The following NTNG1 variants were observed in gnomAD, a reference collection of about 807,000 sequenced individuals.
NTNG1 encodes the protein netrin G1.
Under a neutral mutation model 54.0 loss-of-function variants are expected in NTNG1, and 16 were observed. The observed-to-expected ratio is 0.30, with a 90% CI of 0.20 to 0.45. The LOEUF is 0.45. Among genes scored for constraint, NTNG1 ranks in the 20% least tolerant of loss-of-function variants. The pLI, the probability that NTNG1 is intolerant of heterozygous loss-of-function variation, is 1.00. For synonymous variants in NTNG1, 255 were observed against 263.1 expected (o/e 0.97, Z 0.30); for missense variants, 530 against 678.7 (o/e 0.78, Z 2.43).
At chr1:107,418,495 T>C in intron 5 of NTNG1, 1 of 838,276 alleles carries the variant, frequency 1.2e-6, no homozygotes, top group African/African-American at 1.7e-5. Flanking sequence ...GTGTGGTTTG[T>C]GTCTTTATCC....
At chr1:107,151,377 G>T (rs1047034970) in intron 2 of NTNG1, among the ~76,000 whole-genome samples, 1 of 152,034 alleles carries the variant, frequency 6.6e-6, no homozygotes. Context: ...GGGTGTAATG[G>T]GGATTCATAA....
At chr1:107,198,363 A>G (rs559786367) in intron 2 of NTNG1, among the ~76,000 whole-genome samples, 1 of 151,990 alleles carries the variant, frequency 6.6e-6, no homozygotes, top group East Asian at 1.9e-4. Context: ...TAGTGAGTAC[A>G]TGACAGTTTC....
At chr1:107,142,739 A>G (rs1653823635) in intron 1 of NTNG1, among the ~76,000 whole-genome samples, 2 of 149,118 alleles carry the variant, frequency 1.3e-5, no homozygotes, top group African/African-American at 2.5e-5. Context: ...CTTAGTAGTT[A>G]AGCTTGTTGG....
chr1:107,348,892 A>G (rs911321547), intron 3 of NTNG1, among the ~76,000 whole-genome samples: 1 of 151,902 alleles, frequency 6.6e-6, no homozygotes, highest in Non-Finnish European at 1.5e-5. Flanking sequence ...TCTATTTTCC[A>G]CTCTACAGTC....
At chr1:107,429,306 C>G (rs745355629) in intron 5 of NTNG1, among the ~76,000 whole-genome samples, 13 of 152,086 alleles carry the variant, frequency 8.5e-5, no homozygotes, top group Non-Finnish European at 1.5e-4. Flanking sequence ...AACTAGCTCT[C>G]TAACAAATGA....
chr1:107,200,589 C>T lies in NTNG1; in HGVS notation c.246+51750C>T, dbSNP rs749263450. Among the ~76,000 whole-genome samples the T allele has an allele frequency of 5.3e-5, 8 of 151,622 alleles. No homozygotes were observed. In the South Asian group the frequency reaches 6.2e-4, roughly 12 times the overall value. On this transcript the variant is annotated intron_variant, in intron 2 of 7. Transcript: ENST00000370068. ...GAGATTTTCATTGTTGTTGTTTCAC[C>T]GTCCTTTTAATACTCTTTCATGAGG...
At chr1:107,175,610 GT>G (rs529442969) in intron 2 of NTNG1, among the ~76,000 whole-genome samples, 23 of 143,868 alleles carry the variant, frequency 1.6e-4, no homozygotes, top group South Asian at 6.6e-4. Context: ...TGTGTGTTTT[GT>G]TTTTTTTTTT....
intron 2 of NTNG1, among the ~76,000 whole-genome samples, chr1:107,255,074 A>G (rs1265895237): frequency 6.6e-6 from 1 of 152,220 alleles, no homozygotes; most frequent in Non-Finnish European, 1.5e-5. Flanking sequence ...TTAATACTAT[A>G]GATTAAAACT....
chr1:107,296,462 G>T (rs1032618052), intron 2 of NTNG1, among the ~76,000 whole-genome samples: 25 of 151,686 alleles, frequency 1.6e-4, no homozygotes, highest in African/African-American at 5.3e-4. Context: ...ATCACTAAGA[G>T]AAATTTAAAT....
intron 5 of NTNG1, chr1:107,421,135 A>G: frequency 6.2e-7 from 1 of 1,606,284 alleles, no homozygotes; most frequent in African/African-American, 1.3e-5. Context: ...GTTGCAAACC[A>G]CAAGAGAGGT....
intron 3 of NTNG1, among the ~76,000 whole-genome samples, chr1:107,334,267 C>A (rs2101905420): frequency 6.6e-6 from 1 of 152,014 alleles, no homozygotes; most frequent in African/African-American, 2.4e-5. Context: ...AATCAGAGCC[C>A]AGTAAAACTG....
chr1:107,239,894 A>G (rs1483219480), intron 2 of NTNG1, among the ~76,000 whole-genome samples: 1 of 152,242 alleles, frequency 6.6e-6, no homozygotes, highest in Non-Finnish European at 1.5e-5. Flanking sequence ...TCTGTTCAAC[A>G]ACAAGGTCAC....
intron 2 of NTNG1, among the ~76,000 whole-genome samples, chr1:107,230,583 C>T (rs1241330123): frequency 6.6e-6 from 1 of 152,194 alleles, no homozygotes; most frequent in Non-Finnish European, 1.5e-5. Context: ...AACAAATTAT[C>T]TAAACCTTGT....
chr1:107,387,262 A>G (rs907895600), intron 3 of NTNG1, among the ~76,000 whole-genome samples: 4 of 152,244 alleles, frequency 2.6e-5, no homozygotes, highest in African/African-American at 9.6e-5. Context: ...TAATCAGTCC[A>G]GTTTGTGAGT....
chr1:107,370,885 A>G (rs1428360825), intron 3 of NTNG1, among the ~76,000 whole-genome samples: 1 of 152,198 alleles, frequency 6.6e-6, no homozygotes, highest in East Asian at 1.9e-4. Context: ...AATTTTCAAC[A>G]GTTTGTTACC....
chr1:107,286,700 T>C (rs909879227), intron 2 of NTNG1, among the ~76,000 whole-genome samples: 2 of 152,164 alleles, frequency 1.3e-5, no homozygotes, highest in Non-Finnish European at 2.9e-5. Context: ...GGGTGTATAC[T>C]CCAACAAAGT....
intron 3 of NTNG1, among the ~76,000 whole-genome samples, chr1:107,354,468 C>CAAAAAAAAAAAAA: frequency 1.5e-5 from 1 of 66,126 alleles, no homozygotes; most frequent in Non-Finnish European, 2.6e-5. Flanking sequence ...GACTCCATCT[C>CAAAAAAAAAAAAA]AAAAAAAAAA....
intron 2 of NTNG1, among the ~76,000 whole-genome samples, chr1:107,226,711 G>A (rs1255123050): frequency 1.3e-5 from 2 of 152,116 alleles, no homozygotes; most frequent in African/African-American, 2.4e-5. Flanking sequence ...CATCCCTACA[G>A]AAGGATTCCC....
At chr1:107,240,473 G>A (rs1476333988) in intron 2 of NTNG1, among the ~76,000 whole-genome samples, 1 of 152,088 alleles carries the variant, frequency 6.6e-6, no homozygotes, top group Non-Finnish European at 1.5e-5. Flanking sequence ...TGTAGTAGAG[G>A]GCAGACATCT....
Sources: gnomAD v4.1 joint callset for allele counts (sites outside exome capture counted in the v4.1 genomes callset) on GRCh38, gnomAD v4.1.1 for gene constraint, MANE v1.5 for transcripts, NCBI Gene and HGNC (gene_info 2026-07-23, HGNC 2026-07-21) for gene names.